The following AKR1C8 variants were observed in gnomAD, a reference collection of about 807,000 sequenced individuals.
AKR1C8 encodes the protein aldo-keto reductase family 1 member C8.
the AKR1C8 span, chr10:5,132,873 G>T: frequency 4.0e-6 from 2 of 494,412 alleles, no homozygotes; most frequent in Non-Finnish European, 7.1e-6. Flanking sequence ...TTGCATCTTG[G>T]GTTAGTTCTA....
At chr10:5,144,065 A>T in the AKR1C8 span, among the ~76,000 whole-genome samples, 1 of 151,994 alleles carries the variant, frequency 6.6e-6, no homozygotes, top group Non-Finnish European at 1.5e-5. Context: ...GTTATGGAAA[A>T]TTATTCAGTT....
chr10:5,150,412 TAA>T, the AKR1C8 span, among the ~76,000 whole-genome samples: 2 of 151,874 alleles, frequency 1.3e-5, no homozygotes, highest in Admixed American at 6.6e-5. Flanking sequence ...GAATATATAC[TAA>T]GATATATCAG....
the AKR1C8 span, among the ~76,000 whole-genome samples, chr10:5,170,714 G>A: frequency 0.061 from 9,313 of 152,124 alleles, 346 homozygotes; most frequent in Middle Eastern, 0.085. Context: ...GGCTTTATTG[G>A]CTTCATAAGT....
chr10:5,182,599 A>T, the AKR1C8 span, among the ~76,000 whole-genome samples: 4 of 152,158 alleles, frequency 2.6e-5, no homozygotes, highest in Non-Finnish European at 4.4e-5. Context: ...AAACCAATTT[A>T]AAAACCCTAT....
the AKR1C8 span, among the ~76,000 whole-genome samples, chr10:5,123,033 A>T: frequency 2.0e-5 from 3 of 152,222 alleles, no homozygotes; most frequent in African/African-American, 7.2e-5. Context: ...AGGAATGCAT[A>T]ATAAATTGCC....
At chr10:5,159,089 A>C in the AKR1C8 span, among the ~76,000 whole-genome samples, 1 of 152,180 alleles carries the variant, frequency 6.6e-6, no homozygotes, top group African/African-American at 2.4e-5. Flanking sequence ...GAAGATAAGA[A>C]TGACAATGAC....
At chr10:5,149,306 T>C in the AKR1C8 span, among the ~76,000 whole-genome samples, 1 of 152,084 alleles carries the variant, frequency 6.6e-6, no homozygotes, top group Non-Finnish European at 1.5e-5. Context: ...AGACAAATAA[T>C]GATAGAAACA....
chr10:5,128,944 T>G, the AKR1C8 span, among the ~76,000 whole-genome samples: 1 of 151,962 alleles, frequency 6.6e-6, no homozygotes, highest in Non-Finnish European at 1.5e-5. Context: ...TAAACAGATG[T>G]TTACAGAACA....
the AKR1C8 span, among the ~76,000 whole-genome samples, chr10:5,146,210 GA>G: frequency 9.4e-6 from 1 of 106,046 alleles, no homozygotes; most frequent in African/African-American, 3.6e-5. Flanking sequence ...GGGGTGGGGG[GA>G]GGGGGGAGGG....
At chr10:5,126,856 G>A in the AKR1C8 span, among the ~76,000 whole-genome samples, 5 of 151,922 alleles carry the variant, frequency 3.3e-5, no homozygotes, top group East Asian at 1.9e-4. Context: ...ACACCTAATA[G>A]CACTAAGAAC....
chr10:5,161,380 C>T, the AKR1C8 span, among the ~76,000 whole-genome samples: 10 of 152,156 alleles, frequency 6.6e-5, no homozygotes, highest in South Asian at 2.1e-4. Context: ...GTTAGATCAG[C>T]GGAGCCCAAA....
chr10:5,150,264 C>T, the AKR1C8 span, among the ~76,000 whole-genome samples: 3 of 152,158 alleles, frequency 2.0e-5, no homozygotes, highest in East Asian at 1.9e-4. Flanking sequence ...TTATAAGTTG[C>T]TTTTTGAGAA....
At chr10:5,120,152 C>T in the AKR1C8 span, among the ~76,000 whole-genome samples, 1 of 152,188 alleles carries the variant, frequency 6.6e-6, no homozygotes, top group Non-Finnish European at 1.5e-5. Context: ...GCGATCTGTG[C>T]CTTATGGACA....
At chr10:5,157,854 A>T in the AKR1C8 span, 1 of 434,802 alleles carries the variant, frequency 2.3e-6, no homozygotes, top group Non-Finnish European at 4.8e-6. Flanking sequence ...GAAAATCTAC[A>T]GTGCGCTGCT....
chr10:5,122,802 G>A, the AKR1C8 span, among the ~76,000 whole-genome samples: 4 of 152,122 alleles, frequency 2.6e-5, no homozygotes, highest in South Asian at 4.1e-4. Flanking sequence ...AAACATATTA[G>A]TATAATTATG....
chr10:5,159,026 G>A, the AKR1C8 span, among the ~76,000 whole-genome samples: 4 of 152,132 alleles, frequency 2.6e-5, no homozygotes, highest in Non-Finnish European at 4.4e-5. Flanking sequence ...TTCCAGTTCT[G>A]AGTGTGAAAG....
the AKR1C8 span, among the ~76,000 whole-genome samples, chr10:5,138,727 T>G: frequency 6.2e-4 from 94 of 152,190 alleles, no homozygotes; most frequent in African/African-American, 2.1e-3. Context: ...AGTCGGTCCC[T>G]CCATTCGGCG....
chr10:5,171,520 C>T, the AKR1C8 span, among the ~76,000 whole-genome samples: 1 of 151,952 alleles, frequency 6.6e-6, no homozygotes, highest in Non-Finnish European at 1.5e-5. Flanking sequence ...TGATTTGATA[C>T]TAAATAAGCC....
At chr10:5,125,241 AG>A in the AKR1C8 span, among the ~76,000 whole-genome samples, 10 of 152,274 alleles carry the variant, frequency 6.6e-5, no homozygotes, top group East Asian at 1.7e-3. Context: ...GAGTTATAAA[AG>A]ACCATTCAAG....
Sources: gnomAD v4.1 joint callset for allele counts (sites outside exome capture counted in the v4.1 genomes callset) on GRCh38, gnomAD v4.1.1 for gene constraint, MANE v1.5 for transcripts, NCBI Gene and HGNC (gene_info 2026-07-23, HGNC 2026-07-21) for gene names.